PCDHA8: variants seen among roughly 807,000 people sequenced by gnomAD.
PCDHA8 encodes protocadherin alpha 8.
In PCDHA8, 53 loss-of-function variants were observed where a neutral mutation model predicts 61.8. The observed-to-expected ratio is 0.86, with a 90% CI of 0.69 to 1.08. PCDHA8 has a LOEUF of 1.08. Among genes scored for constraint, PCDHA8 ranks in the 50% least tolerant of loss-of-function variants. The pLI, the probability that PCDHA8 is intolerant of heterozygous loss-of-function variation, is 0.00. For missense variants in PCDHA8, 1,293 were observed against 1,245.0 expected (o/e 1.04, Z -0.58); for synonymous variants, 618 against 556.6 (o/e 1.11, Z -1.55).
At chr5:140,869,920 G>GTC in intron 1 of PCDHA8, 1 of 1,611,398 alleles carries the variant, frequency 6.2e-7, no homozygotes, top group Non-Finnish European at 8.5e-7. Context: ...AGACGAAGGA[G>GTC]TCAATGGAGA....
rs145430316 is a variant in PCDHA8 at position 140,849,629 on chromosome 5, C to T, written c.2394+5914C>T. The T allele has an allele frequency of 6.9e-4, 1,102 of 1,598,720 alleles. 110 individuals carry two copies. The highest frequency in any genetic ancestry group is 1.2e-3 in the South Asian group (106 of 90,564). On this transcript the variant is annotated intron_variant, in intron 1 of 3. Transcript: ENST00000531613. ...CCCTGATTAGTGTGATCGACCTAGA[C>T]GCAGATGCCAACGGGCAGGTTACCT...
intron 1 of PCDHA8, chr5:140,884,345 C>A (rs782318945): frequency 1.2e-6 from 2 of 1,613,916 alleles, no homozygotes; most frequent in African/African-American, 2.7e-5. Flanking sequence ...AGAAGCGGCG[C>A]TGGTGGATGT....
intron 1 of PCDHA8, chr5:140,852,582 A>ATTTT (rs527656692): frequency 1.2e-5 from 8 of 693,586 alleles, no homozygotes; most frequent in Non-Finnish European, 1.4e-5. Flanking sequence ...AGGCTTTTTT[A>ATTTT]TTTTTTTTTT....
At chr5:140,976,871 A>G (rs2096735171) in intron 1 of PCDHA8, among the ~76,000 whole-genome samples, 2 of 152,224 alleles carry the variant, frequency 1.3e-5, no homozygotes, top group Non-Finnish European at 2.9e-5. Flanking sequence ...TGTCTGACAA[A>G]GAAAGAATTA....
At chr5:140,975,472 A>G (rs1012106018) in intron 1 of PCDHA8, among the ~76,000 whole-genome samples, 2 of 152,250 alleles carry the variant, frequency 1.3e-5, no homozygotes, top group African/African-American at 4.8e-5. Flanking sequence ...AATTCTGCCT[A>G]TCAGTTTATA....
At chr5:140,867,536 A>T (rs1177306827) in intron 1 of PCDHA8, 3 of 152,126 alleles carry the variant, frequency 2.0e-5, no homozygotes, top group African/African-American at 7.2e-5. Flanking sequence ...ATATATATAA[A>T]ATATTAGCAT....
intron 1 of PCDHA8, among the ~76,000 whole-genome samples, chr5:140,872,956 T>C (rs2054003251): frequency 6.6e-6 from 1 of 152,228 alleles, no homozygotes; most frequent in Admixed American, 6.5e-5. Context: ...CCACGTAGTA[T>C]CATCCCATCT....
intron 3 of PCDHA8, among the ~76,000 whole-genome samples, chr5:140,986,799 CTTAG>C (rs782752084): frequency 3.9e-5 from 6 of 152,154 alleles, no homozygotes; most frequent in South Asian, 4.1e-4. Context: ...GGCAGTGAGT[CTTAG>C]TTAGAGAACT....
At chr5:140,943,136 T>A (rs1554215378) in intron 1 of PCDHA8, among the ~76,000 whole-genome samples, 1 of 151,240 alleles carries the variant, frequency 6.6e-6, no homozygotes, top group Non-Finnish European at 1.5e-5. Flanking sequence ...TGGGTGCCTG[T>A]AGTCCCAGCT....
At chr5:140,876,181 G>A in intron 1 of PCDHA8, 9 of 1,613,980 alleles carry the variant, frequency 5.6e-6, no homozygotes, top group Non-Finnish European at 7.6e-6. Flanking sequence ...GGATGTGAAT[G>A]ACAATGGTCC....
chr5:140,871,152 G>A (rs376980257), intron 1 of PCDHA8: 4 of 1,613,318 alleles, frequency 2.5e-6, no homozygotes, highest in South Asian at 1.1e-5. Context: ...GGACTTTGGC[G>A]GGCGCCGCGA....
intron 1 of PCDHA8, chr5:140,930,529 C>T (rs1175564392): frequency 6.6e-6 from 1 of 152,500 alleles, no homozygotes; most frequent in African/African-American, 2.4e-5. Flanking sequence ...GGCCCTCAAA[C>T]TTCTTGAGTG....
rs1554174531 is a variant in PCDHA8 at position 140,882,554 on chromosome 5, T to G, written c.2394+38839T>G. On this transcript the variant is annotated intron_variant, in intron 1 of 3. Transcript: ENST00000531613. ...TTCTCGGATCGACCGCGAGGAGCTG[T>G]GTGGGCGGAGCGCGGAGTGCAGCAT... is the stretch of plus-strand genomic sequence containing the variant. 1.9e-6 allele frequency: 3 copies of G among 1,614,174 alleles called. No homozygotes were observed. The South Asian group carries it at 3.3e-5, about 18-fold the overall frequency.
intron 1 of PCDHA8, chr5:140,968,472 T>C (rs1554230782): frequency 6.2e-7 from 1 of 1,614,130 alleles, no homozygotes; most frequent in Non-Finnish European, 8.5e-7. Context: ...AACGTATATG[T>C]GGTGGACATG....
At chr5:140,877,575 C>G (rs1244471489) in intron 1 of PCDHA8, 1 of 1,613,708 alleles carries the variant, frequency 6.2e-7, no homozygotes, top group East Asian at 2.2e-5. Context: ...TGTACCTCAT[C>G]ATCGCCATCT....
intron 1 of PCDHA8, chr5:140,926,758 G>C: frequency 2.3e-6 from 3 of 1,302,056 alleles, no homozygotes; most frequent in Non-Finnish European, 3.0e-6. Flanking sequence ...CGGTCGCTGA[G>C]TATCCAGCCC....
At chr5:140,952,111 G>A (rs1040553968) in intron 1 of PCDHA8, among the ~76,000 whole-genome samples, 1 of 152,086 alleles carries the variant, frequency 6.6e-6, no homozygotes, top group Non-Finnish European at 1.5e-5. Context: ...ACTCGTGTGA[G>A]GGATGGGCTC....
intron 1 of PCDHA8, among the ~76,000 whole-genome samples, chr5:140,941,777 T>C (rs903102270): frequency 6.6e-6 from 1 of 152,262 alleles, no homozygotes; most frequent in Admixed American, 6.5e-5. Context: ...ATTGTTTTAA[T>C]GTTTTACCCA....
intron 1 of PCDHA8, chr5:140,858,447 A>G (rs1554151639): frequency 6.5e-7 from 1 of 1,533,388 alleles, no homozygotes; most frequent in Admixed American, 2.0e-5. Flanking sequence ...GTGGGTTATT[A>G]CGTTTTCATT....
Sources: allele counts gnomAD v4.1 joint callset (sites outside exome capture counted in the v4.1 genomes callset), GRCh38; gene constraint gnomAD v4.1.1; transcripts MANE v1.5; gene names NCBI Gene and HGNC (gene_info 2026-07-23, HGNC 2026-07-21).